Variants in MED12L observed in about 807,000 individuals in gnomAD.
MED12L encodes mediator complex subunit 12L.
Under a neutral mutation model 281.3 loss-of-function variants are expected in MED12L, and 60 were observed. The ratio of observed to expected loss-of-function variants is 0.21; its 90% CI spans 0.17 to 0.26. MED12L has a LOEUF of 0.26. Among genes scored for constraint, MED12L ranks in the 10% least tolerant of loss-of-function variants. MED12L has a pLI of 1.00. For synonymous variants in MED12L, 974 were observed against 987.2 expected (o/e 0.99, Z 0.25); for missense variants, 2,146 against 2,680.9 (o/e 0.80, Z 4.41).
rs572667263 is a variant in MED12L at position 151,353,595 on chromosome 3, AT to A, written c.2399-1522del. On this transcript the variant is annotated intron_variant, in intron 17 of 44. Coordinates refer to ENST00000687756, the MANE Select transcript of MED12L (RefSeq NM_001393769.1). ...AACCAGCCTTGTGGTGTTTTGTTTT[AT>A]TTTGTTTTTGACTGTAACCACTAAT... Among the ~76,000 whole-genome samples, 9 of 152,268 alleles carry A rather than the reference AT, an allele frequency of 5.9e-5. No individual in the cohort carries two copies. The South Asian group carries it at 1.9e-3, about 32-fold the overall frequency.
intron 2 of MED12L, among the ~76,000 whole-genome samples, chr3:151,115,086 G>T (rs1282259614): frequency 6.6e-6 from 1 of 152,198 alleles, no homozygotes; most frequent in Admixed American, 6.5e-5. Context: ...AGTTGGCAAA[G>T]ATCAAGTGAG....
At chr3:151,290,185 C>T (rs572647995) in intron 16 of MED12L, among the ~76,000 whole-genome samples, 8 of 152,226 alleles carry the variant, frequency 5.3e-5, no homozygotes, top group Admixed American at 1.3e-4. Context: ...CACTTCCGAC[C>T]GTACTCTAAC....
At chr3:151,345,663 A>G (rs551826649) in intron 16 of MED12L, among the ~76,000 whole-genome samples, 62 of 151,562 alleles carry the variant, frequency 4.1e-4, no homozygotes, top group Non-Finnish European at 8.6e-4. Context: ...AATTATAGGC[A>G]CCTGCCACCA....
At chr3:151,325,915 G>A (rs1158883488) in intron 16 of MED12L, among the ~76,000 whole-genome samples, 1 of 152,146 alleles carries the variant, frequency 6.6e-6, no homozygotes, top group Non-Finnish European at 1.5e-5. Flanking sequence ...CTCAGTAGAG[G>A]TAATATGGAT....
chr3:151,354,662 C>T (rs2150045158), intron 17 of MED12L, among the ~76,000 whole-genome samples: 1 of 152,242 alleles, frequency 6.6e-6, no homozygotes, highest in Non-Finnish European at 1.5e-5. Flanking sequence ...CTGGAAACTA[C>T]TCACTAGAAT....
At chr3:151,129,715 T>TTGTGTGTGTG (rs62785262) in intron 5 of MED12L, among the ~76,000 whole-genome samples, 1 of 147,546 alleles carries the variant, frequency 6.8e-6, no homozygotes, top group African/African-American at 2.5e-5. Context: ...ATATCTACAT[T>TTGTGTGTGTG]TGTGTGTGTG....
rs549559359 is a variant in MED12L at position 151,389,254 on chromosome 3, G to GA, written c.5452-722dup. Among the ~76,000 whole-genome samples, 524 of 152,202 alleles carry GA rather than the reference G, an allele frequency of 3.4e-3. 7 individuals are homozygous for GA. Among genetic ancestry groups the GA allele is most frequent in the Non-Finnish European group, 3.4e-3 (231 of 68,020 alleles). Reference sequence around the variant, plus strand: ...TGTTCTTTTCTGATGAAAAAGCCCTGAAACCAATCCTGCTCCCCAGGTCAG... The same window carrying GA: ...TGTTCTTTTCTGATGAAAAAGCCCTGAAAACCAATCCTGCTCCCCAGGTCAG... On this transcript the variant is annotated intron_variant, in intron 37 of 44. Transcript: ENST00000687756.
chr3:151,187,171 T>C (rs1326831479), intron 12 of MED12L, among the ~76,000 whole-genome samples: 3 of 152,248 alleles, frequency 2.0e-5, no homozygotes, highest in Non-Finnish European at 4.4e-5. Flanking sequence ...AGGAAAAGCC[T>C]TTCATTGCTT....
intron 16 of MED12L, among the ~76,000 whole-genome samples, chr3:151,242,079 G>A (rs1188418494): frequency 3.9e-5 from 6 of 152,040 alleles, no homozygotes; most frequent in African/African-American, 1.2e-4. Flanking sequence ...CTTAAAAAAC[G>A]GGGCACCACG....
At chr3:151,213,475 A>T (rs1173457108) in intron 16 of MED12L, 1 of 1,614,084 alleles carries the variant, frequency 6.2e-7, no homozygotes, top group Non-Finnish European at 8.5e-7. Context: ...AGATAGTAGC[A>T]GAGTGAATTC....
chr3:151,378,210 A>G (rs1406200820), intron 31 of MED12L, 37 bp downstream of exon 31: 13 of 1,545,576 alleles, frequency 8.4e-6, no homozygotes, highest in Middle Eastern at 1.7e-4. Context: ...TGAGAGTTTA[A>G]AGAATAATTG....
rs373306842 is a variant in MED12L at position 151,325,210 on chromosome 3, C to G, written c.2251-24849C>G. 9.2e-5 allele frequency among the ~76,000 whole-genome samples: 14 copies of G among 152,314 alleles called. No individual in the cohort carries two copies. In the South Asian group the frequency reaches 1.7e-3, roughly 18 times the overall value. On this transcript the variant is annotated intron_variant, in intron 16 of 44. Transcript: ENST00000687756. ...TGAATTGAGAATTCTCACTCCTTCTCTGCCTCATCCTTTCCACTTTACAGT... is the reference window on the plus strand; with the variant it reads ...TGAATTGAGAATTCTCACTCCTTCTGTGCCTCATCCTTTCCACTTTACAGT...
chr3:151,338,821 A>G, intron 16 of MED12L: 1 of 1,613,804 alleles, frequency 6.2e-7, no homozygotes, highest in Non-Finnish European at 8.5e-7. Context: ...CCAGGCGCAG[A>G]GGTGAGGTTG....
chr3:151,215,499 A>C (rs142727863), intron 16 of MED12L, among the ~76,000 whole-genome samples: 9 of 152,306 alleles, frequency 5.9e-5, no homozygotes, highest in Non-Finnish European at 1.3e-4. Flanking sequence ...GCTACTAGGA[A>C]ATTTTAAATT....
In MED12L at chr3:151,341,050, G is replaced by A. The variant is rs111837290; in HGVS notation, c.2251-9009G>A. On this transcript the variant is annotated intron_variant, in intron 16 of 44. Coordinates refer to ENST00000687756, the MANE Select transcript of MED12L (RefSeq NM_001393769.1). ...AAATCCAAGTTGAGATCAAGCCTTC[G>A]AAGTCTGCTTCCTGGAGAAGATTTT... is the stretch of plus-strand genomic sequence containing the variant. 6.9e-3 allele frequency among the ~76,000 whole-genome samples: 1,052 copies of A among 152,192 alleles called. 10 individuals are homozygous for A. The highest frequency in any genetic ancestry group is 0.024 in the South Asian group (115 of 4,818).
intron 3 of MED12L, among the ~76,000 whole-genome samples, chr3:151,117,714 C>T (rs1221000): frequency 0.76 from 105,638 of 138,150 alleles, 37,218 homozygotes; most frequent in Non-Finnish European, 0.8. Context: ...TAGACTAACT[C>T]TCATTAAAAG....
chr3:151,253,386 A>G (rs558941428), intron 16 of MED12L, among the ~76,000 whole-genome samples: 6 of 152,292 alleles, frequency 3.9e-5, no homozygotes, highest in African/African-American at 1.2e-4. Context: ...TAAGATACAC[A>G]TTTTAATATG....
intron 16 of MED12L, among the ~76,000 whole-genome samples, chr3:151,288,435 C>T (rs762955550): frequency 6.6e-6 from 1 of 151,830 alleles, no homozygotes; most frequent in Admixed American, 6.6e-5. Flanking sequence ...GGAATCTTGT[C>T]AAGAATTATT....
intron 3 of MED12L, among the ~76,000 whole-genome samples, chr3:151,118,965 A>C (rs1713308843): frequency 6.6e-6 from 1 of 152,122 alleles, no homozygotes; most frequent in South Asian, 2.1e-4. Flanking sequence ...GGGATTACAG[A>C]TGTGAGCCAC....
Sources: allele counts gnomAD v4.1 joint callset (sites outside exome capture counted in the v4.1 genomes callset), GRCh38; gene constraint gnomAD v4.1.1; transcripts MANE v1.5; gene names NCBI Gene and HGNC (gene_info 2026-07-23, HGNC 2026-07-21).